The following SLC44A5 variants were observed in gnomAD, a reference collection of about 807,000 sequenced individuals.
The protein encoded by SLC44A5 is choline transporter-like protein 5.
Under a neutral mutation model 101.8 loss-of-function variants are expected in SLC44A5, and 57 were observed. That is an observed-to-expected ratio of 0.56 (90% CI 0.45 to 0.70). The LOEUF is 0.70. SLC44A5 is among the 30% of genes least tolerant of loss of function. The pLI, the probability that SLC44A5 is intolerant of heterozygous loss-of-function variation, is 0.00. For missense variants in SLC44A5, 737 were observed against 853.1 expected (o/e 0.86, Z 1.70); for synonymous variants, 281 against 290.9 (o/e 0.97, Z 0.35).
rs554584294 is a variant in SLC44A5, at chr1:75,301,193, A to G, written c.102-508T>C. ...TGTAACTATTCCAGGAACAAGGTAT[A>G]TAAAGCATTAAAAATAAAATGCCTC... On this transcript the variant is annotated intron_variant, in intron 4 of 23. Coordinates refer to ENST00000370859, the MANE Select transcript of SLC44A5 (RefSeq NM_001130058.2). 7.2e-5 allele frequency among the ~76,000 whole-genome samples: 11 copies of G among 152,288 alleles called. No homozygotes were observed. In the South Asian group the frequency reaches 2.3e-3, roughly 32 times the overall value.
intron 2 of SLC44A5, among the ~76,000 whole-genome samples, chr1:75,403,457 C>T (rs1360855664): frequency 6.6e-6 from 1 of 152,136 alleles, no homozygotes; most frequent in East Asian, 1.9e-4. Context: ...CTCTGGCTGG[C>T]ATCTGGCTGG....
At chr1:75,678,448 C>A in the SLC44A5 span, among the ~76,000 whole-genome samples, 9 of 152,060 alleles carry the variant, frequency 5.9e-5, no homozygotes, top group Non-Finnish European at 1.0e-4. Flanking sequence ...AAGTGGGTCC[C>A]TGACCCCTGA....
At chr1:75,512,325 A>G (rs6676591) in intron 2 of SLC44A5, among the ~76,000 whole-genome samples, 105,670 of 152,060 alleles carry the variant, frequency 0.69, 37,343 homozygotes, top group East Asian at 0.96. Flanking sequence ...TCCGAGCCGA[A>G]GGCCCAAAAG....
intron 13 of SLC44A5, among the ~76,000 whole-genome samples, chr1:75,225,132 C>A (rs370682951): frequency 6.6e-6 from 1 of 152,114 alleles, no homozygotes; most frequent in African/African-American, 2.4e-5. Flanking sequence ...ACTCTCCACA[C>A]GGGTACCATT....
intron 2 of SLC44A5, among the ~76,000 whole-genome samples, chr1:75,410,947 G>C (rs1007804269): frequency 6.6e-6 from 1 of 152,104 alleles, no homozygotes; most frequent in Non-Finnish European, 1.5e-5. Flanking sequence ...CAGTGAGAAT[G>C]AGAATTTTGT....
chr1:75,299,833 AC>A (rs1400132939), intron 5 of SLC44A5, among the ~76,000 whole-genome samples: 2 of 144,564 alleles, frequency 1.4e-5, no homozygotes, highest in Non-Finnish European at 3.0e-5. Flanking sequence ...ACATGGTGAA[AC>A]CTTGTCTCTA....
the SLC44A5 span, among the ~76,000 whole-genome samples, chr1:75,664,992 T>C: frequency 6.6e-6 from 1 of 151,164 alleles, no homozygotes; most frequent in Admixed American, 6.6e-5. Flanking sequence ...TATACGTTTA[T>C]AGATGGGAAG....
intron 23 of SLC44A5, among the ~76,000 whole-genome samples, chr1:75,208,007 T>A (rs766042666): frequency 6.6e-6 from 1 of 152,132 alleles, no homozygotes; most frequent in Non-Finnish European, 1.5e-5. Context: ...TTATTTTAGT[T>A]AATAATGGCC....
chr1:75,481,639 C>A (rs199636424), intron 2 of SLC44A5, among the ~76,000 whole-genome samples: 40,519 of 150,762 alleles, frequency 0.27, 6,869 homozygotes, highest in East Asian at 0.79. Flanking sequence ...ATGCAGCCAA[C>A]AGACACATGA....
intron 3 of SLC44A5, among the ~76,000 whole-genome samples, chr1:75,364,409 A>G (rs1246937382): frequency 6.6e-6 from 1 of 152,124 alleles, no homozygotes; most frequent in Non-Finnish European, 1.5e-5. Flanking sequence ...GTTGCTACAC[A>G]CTTTTAAATG....
At chr1:75,592,323 A>G (rs1674399267) in intron 1 of SLC44A5, among the ~76,000 whole-genome samples, 1 of 152,114 alleles carries the variant, frequency 6.6e-6, no homozygotes, top group Non-Finnish European at 1.5e-5. Flanking sequence ...GAAATGTAAG[A>G]TCTCTAAAAT....
intron 2 of SLC44A5, among the ~76,000 whole-genome samples, chr1:75,417,412 G>T (rs374634774): frequency 2.5e-4 from 38 of 152,354 alleles, no homozygotes; most frequent in African/African-American, 9.1e-4. Flanking sequence ...CCCAGTCTCA[G>T]ATATGTCTTT....
Position 75,506,907 on chromosome 1 carries a change from CT to C in SLC44A5, c.13+34527del, listed in dbSNP as rs61554987. ...TCCTTGTCTGGTTCCTATTCCTATT[CT>C]TTTTTTTTTTTTTTTTTTTTTTTTG... On this transcript the variant is annotated intron_variant, in intron 2 of 23. Coordinates refer to ENST00000370859, the MANE Select transcript of SLC44A5 (RefSeq NM_001130058.2). Among the ~76,000 whole-genome samples the C allele has an allele frequency of 6.5e-3, 450 of 68,762 alleles. 1 individual carries two copies. The highest frequency in any genetic ancestry group is 0.024 in the South Asian group (37 of 1,546). 45.1% of individuals were successfully genotyped at this position (68,762 alleles called of 152,430 possible).
the SLC44A5 span, among the ~76,000 whole-genome samples, chr1:75,682,394 T>A: frequency 1.3e-5 from 2 of 151,848 alleles, no homozygotes; most frequent in Non-Finnish European, 2.9e-5. Context: ...ATGGTACTGG[T>A]ACCAAAACAG....
chr1:75,448,377 G>A (rs1280103468), intron 2 of SLC44A5, among the ~76,000 whole-genome samples: 1 of 152,120 alleles, frequency 6.6e-6, no homozygotes, highest in Non-Finnish European at 1.5e-5. Context: ...TTTTAGGAGG[G>A]GGCCCGAATG....
chr1:75,375,990 C>G (rs200362402), intron 3 of SLC44A5, among the ~76,000 whole-genome samples: 4 of 152,066 alleles, frequency 2.6e-5, no homozygotes, highest in East Asian at 1.9e-4. Flanking sequence ...GCACCGTGTG[C>G]GAGCCGAAGC....
chr1:75,614,520 CG>C (rs1675783580), upstream of SLC44A5, among the ~76,000 whole-genome samples: 1 of 152,168 alleles, frequency 6.6e-6, no homozygotes, highest in South Asian at 2.1e-4. Flanking sequence ...AGCAAGCTGA[CG>C]CGCCAAGATA....
At chr1:75,721,712 G>A in the SLC44A5 span, among the ~76,000 whole-genome samples, 17 of 152,206 alleles carry the variant, frequency 1.1e-4, no homozygotes, top group African/African-American at 3.9e-4. Flanking sequence ...AAATAAAATC[G>A]GACAATCCAG....
chr1:75,389,837 G>C (rs747078380), intron 3 of SLC44A5, among the ~76,000 whole-genome samples: 8 of 152,010 alleles, frequency 5.3e-5, no homozygotes, highest in Non-Finnish European at 8.8e-5. Flanking sequence ...TTGACATTGA[G>C]ATGCCAAAAT....
Sources: gnomAD v4.1 joint callset for allele counts (sites outside exome capture counted in the v4.1 genomes callset) on GRCh38, gnomAD v4.1.1 for gene constraint, MANE v1.5 for transcripts, NCBI Gene and HGNC (gene_info 2026-07-23, HGNC 2026-07-21) for gene names.